Variants in CDH13 observed in about 807,000 individuals in gnomAD.
CDH13 encodes the protein cadherin-13.
In CDH13, 24 loss-of-function variants were observed where a neutral mutation model predicts 63.8. That is an observed-to-expected ratio of 0.38 (90% CI 0.27 to 0.53). The LOEUF (loss-of-function observed/expected upper bound fraction) is 0.53. Ranked by LOEUF, CDH13 falls within the 20% of genes least tolerant of loss-of-function variation. The probability of loss-of-function intolerance (pLI) is 0.85; values close to 1 mark genes in which losing one functional copy is unlikely to be tolerated. For synonymous variants in CDH13, 503 were observed against 355.3 expected, an observed-to-expected ratio of 1.42 and a Z score of -4.67; for missense variants, 1,049 against 903.1, an observed-to-expected ratio of 1.16 and a Z score of -2.07.
At chr16:82,851,870 T>C (rs2039503517) in intron 1 of CDH13, among the ~76,000 whole-genome samples, 1 of 152,214 alleles carries the variant, frequency 6.6e-6, no homozygotes, top group Non-Finnish European at 1.5e-5. Flanking sequence ...CAGTATCCTT[T>C]CTTCCTCACA....
intron 7 of CDH13, among the ~76,000 whole-genome samples, chr16:83,562,399 A>G (rs2075724990): frequency 6.6e-6 from 1 of 152,242 alleles, no homozygotes; most frequent in Non-Finnish European, 1.5e-5. Context: ...TTTCTTATGT[A>G]ACCCACAGTG....
intron 1 of CDH13, among the ~76,000 whole-genome samples, chr16:82,663,421 A>C (rs575838075): frequency 6.6e-6 from 1 of 152,080 alleles, no homozygotes; most frequent in South Asian, 2.1e-4. Flanking sequence ...CCGACCTCAG[A>C]TAATCCACAC....
At chr16:82,691,876 C>A (rs1915679840) in intron 1 of CDH13, among the ~76,000 whole-genome samples, 1 of 151,954 alleles carries the variant, frequency 6.6e-6, no homozygotes, top group South Asian at 2.1e-4. Flanking sequence ...AAATGCAAAC[C>A]CTCAGGCTTT....
chr16:82,850,749 A>G (rs1201109879), intron 1 of CDH13, among the ~76,000 whole-genome samples: 1 of 152,138 alleles, frequency 6.6e-6, no homozygotes, highest in Admixed American at 6.5e-5. Context: ...CACAACCGCC[A>G]CCCTCATCAC....
At chr16:83,216,420 A>G (rs867416696) in intron 4 of CDH13, among the ~76,000 whole-genome samples, 15 of 96,776 alleles carry the variant, frequency 1.5e-4, no homozygotes, top group South Asian at 3.5e-4. Context: ...ATATATATAT[A>G]TATATATATA....
At chr16:83,748,072 G>C in intron 10 of CDH13, 36 bp from the exon 11 acceptor site, 1 of 1,612,436 alleles carries the variant, frequency 6.2e-7, no homozygotes, top group Admixed American at 1.7e-5. Context: ...AATCTACTTT[G>C]AATGCAGAGT....
At chr16:83,778,282 C>T (rs1286118078) in intron 11 of CDH13, among the ~76,000 whole-genome samples, 1 of 152,204 alleles carries the variant, frequency 6.6e-6, no homozygotes, top group Non-Finnish European at 1.5e-5. Flanking sequence ...GTAATCCCAA[C>T]ACATTGGGAG....
chr16:83,374,009 T>C (rs1173901123), intron 6 of CDH13, among the ~76,000 whole-genome samples: 1 of 152,196 alleles, frequency 6.6e-6, no homozygotes, highest in African/African-American at 2.4e-5. Flanking sequence ...GGTCTTTCTC[T>C]ATTCAGGCCA....
intron 1 of CDH13, among the ~76,000 whole-genome samples, chr16:82,676,671 G>T (rs1913947364): frequency 1.3e-5 from 2 of 151,694 alleles, no homozygotes; most frequent in South Asian, 4.2e-4. Flanking sequence ...GCCTGCCGTT[G>T]GTTTTTTTTA....
chr16:82,884,163 G>T, intron 2 of CDH13: 1 of 455,260 alleles, frequency 2.2e-6, no homozygotes, highest in Non-Finnish European at 4.4e-6. Flanking sequence ...TCCTTATGCT[G>T]TTTCTTTCCA....
At chr16:83,222,844 A>G (rs1250443140) in intron 5 of CDH13, among the ~76,000 whole-genome samples, 3 of 152,268 alleles carry the variant, frequency 2.0e-5, no homozygotes, top group Admixed American at 2.0e-4. Context: ...AAATACCCAC[A>G]TATGAAACTA....
chr16:82,979,177 A>AC lies in CDH13; in HGVS notation c.158-52828dup, dbSNP rs535547506. ...ACAGATGTATTTATCCAATGCCTGTACCCCCATTGTGTCTGGGAAGTATCT... is the reference window on the plus strand; with the variant it reads ...ACAGATGTATTTATCCAATGCCTGTACCCCCCATTGTGTCTGGGAAGTATCT... On this transcript the variant is annotated intron_variant, in intron 2 of 13. Coordinates refer to ENST00000567109, the MANE Select transcript of CDH13 (RefSeq NM_001257.5). Among the ~76,000 whole-genome samples, 300 of 152,266 alleles carry AC rather than the reference A, an allele frequency of 2.0e-3. 2 individuals are homozygous for AC. Among genetic ancestry groups the AC allele is most frequent in the Middle Eastern group, 0.017 (5 of 292 alleles).
At chr16:83,162,428 C>T (rs1029446421) in intron 4 of CDH13, among the ~76,000 whole-genome samples, 2 of 152,140 alleles carry the variant, frequency 1.3e-5, no homozygotes, top group South Asian at 2.1e-4. Flanking sequence ...CACTGAAGTT[C>T]AGAGTTGTTG....
intron 6 of CDH13, among the ~76,000 whole-genome samples, chr16:83,354,841 G>A (rs780435474): frequency 3.3e-5 from 5 of 152,230 alleles, no homozygotes; most frequent in African/African-American, 9.6e-5. Context: ...CTCTCTGCCT[G>A]TTGTTTTTTA....
chr16:83,380,984 G>A (rs948878043), intron 6 of CDH13, among the ~76,000 whole-genome samples: 2 of 151,914 alleles, frequency 1.3e-5, no homozygotes, highest in African/African-American at 4.8e-5. Context: ...TAACCTTCTT[G>A]TCTATGTTTC....
chr16:83,604,261 C>G (rs752502762), intron 8 of CDH13, among the ~76,000 whole-genome samples: 1 of 152,116 alleles, frequency 6.6e-6, no homozygotes, highest in Non-Finnish European at 1.5e-5. Flanking sequence ...GCTTGATTTG[C>G]TCCATTCTCT....
rs140668342 is a variant in CDH13 at position 83,257,807 on chromosome 16, C to G, written c.636+40310C>G. ...CCAGTGATGGGATTGCTGGGTTGAA[C>G]GCTATTTGTATTTTTAGGTCTTTGA... On this transcript the variant is annotated intron_variant, in intron 5 of 13. Coordinates refer to ENST00000567109, the MANE Select transcript of CDH13 (RefSeq NM_001257.5). Among the ~76,000 whole-genome samples, 7 of 152,178 alleles carry G rather than the reference C, an allele frequency of 4.6e-5. No individual in the cohort carries two copies. The South Asian group carries it at 8.3e-4, about 18-fold the overall frequency.
intron 1 of CDH13, among the ~76,000 whole-genome samples, chr16:82,792,590 C>G (rs918295234): frequency 6.6e-6 from 1 of 152,130 alleles, no homozygotes; most frequent in African/African-American, 2.4e-5. Flanking sequence ...AGATAGAAGG[C>G]AAGTGTCATA....
intron 4 of CDH13, 97 bp downstream of exon 4, chr16:83,125,598 G>T: frequency 1.5e-6 from 1 of 662,356 alleles, no homozygotes; most frequent in South Asian, 1.9e-5. Flanking sequence ...GCTGGAATTA[G>T]TCTTCATCTG....
Sources: allele counts gnomAD v4.1 joint callset (sites outside exome capture counted in the v4.1 genomes callset), GRCh38; gene constraint gnomAD v4.1.1; transcripts MANE v1.5; gene names NCBI Gene and HGNC (gene_info 2026-07-23, HGNC 2026-07-21).